LDAH: variants seen among roughly 807,000 people sequenced by gnomAD.
LDAH encodes lipid droplet associated hydrolase, also known as lipid droplet-associated hydrolase.
A neutral mutation model predicts 29.6 loss-of-function variants in LDAH; 26 were observed. That is an observed-to-expected ratio of 0.88 (90% confidence interval 0.64 to 1.22). LDAH has a LOEUF of 1.22. LDAH is among the 50% of genes most tolerant of loss of function. The pLI, the probability that LDAH is intolerant of heterozygous loss-of-function variation, is 0.00. For missense variants in LDAH, 344 were observed against 387.3 expected, an observed-to-expected ratio of 0.89 and a Z score of 0.94; for synonymous variants, 117 against 133.0, an observed-to-expected ratio of 0.88 and a Z score of 0.83.
chr2:20,688,412 A>G (rs1662723933), intron 6 of LDAH, among the ~76,000 whole-genome samples: 1 of 152,210 alleles, frequency 6.6e-6, no homozygotes, highest in Admixed American at 6.5e-5. Flanking sequence ...AGCATCTTCT[A>G]TGCATGCCAA....
chr2:20,710,414 T>A (rs1664629565), intron 5 of LDAH, among the ~76,000 whole-genome samples: 3 of 151,824 alleles, frequency 2.0e-5, no homozygotes, highest in Non-Finnish European at 4.4e-5. Flanking sequence ...GTCTTACATA[T>A]ATTAAAGAAA....
At chr2:20,809,703 C>A (rs1005124739) in intron 1 of LDAH, among the ~76,000 whole-genome samples, 4 of 152,096 alleles carry the variant, frequency 2.6e-5, no homozygotes, top group African/African-American at 4.8e-5. Flanking sequence ...TTTGAACAGG[C>A]ACTTCACAAA....
chr2:20,801,326 A>G lies in LDAH; in HGVS notation c.138T>C (p.Leu46=). 1 of 1,613,510 alleles carries G rather than the reference A, an allele frequency of 6.2e-7. No individual in the cohort carries two copies. Among genetic ancestry groups the G allele is most frequent in the Non-Finnish European group, 8.5e-7 (1 of 1,179,820 alleles). Residue 46 remains leucine (L), a synonymous_variant, in exon 2 of 7, where the codon CTT becomes CTC. Transcript: ENST00000237822. The stretch of plus-strand genomic sequence containing the variant: ...TACGCTCACCAGGAATAATGAAAAT[A>G]AGCAGCTTAGGCCTTTTGACACTTT... The part of the protein sequence containing the change: ...HDQSVKRPKL[L]IFIIPGNPGF...
chr2:20,698,455 C>T lies in LDAH; in HGVS notation c.786+3115G>A, dbSNP rs187692505. 3.3e-5 allele frequency among the ~76,000 whole-genome samples: 5 copies of T among 152,164 alleles called. No homozygotes were observed. Among genetic ancestry groups the T allele is most frequent in the East Asian group, 3.9e-4 (2 of 5,176 alleles). On this transcript the variant is annotated intron_variant, in intron 6 of 6. Coordinates refer to ENST00000237822, the MANE Select transcript of LDAH (RefSeq NM_021925.4). This position sits in a 1 kb window ranked among gnomAD's most constrained non-coding sequence, Gnocchi z 4.4. ...CTGTAATCCCAGCACCTTGGGAGGCCGAGGCCGGTAAATCACAAGGTCAGG... is the reference window on the plus strand; with the variant it reads ...CTGTAATCCCAGCACCTTGGGAGGCTGAGGCCGGTAAATCACAAGGTCAGG...
chr2:20,739,047 C>T (rs964158426), intron 5 of LDAH, among the ~76,000 whole-genome samples: 1 of 152,244 alleles, frequency 6.6e-6, no homozygotes, highest in South Asian at 2.1e-4. Context: ...GGTTTCAACA[C>T]TACATACTAG....
At chr2:20,731,148 G>A (rs1365997000) in intron 5 of LDAH, among the ~76,000 whole-genome samples, 1 of 152,188 alleles carries the variant, frequency 6.6e-6, no homozygotes, top group Non-Finnish European at 1.5e-5. Flanking sequence ...ATTGACATCT[G>A]ATATGGTTTG....
chr2:20,770,760 A>C (rs1319784657), intron 4 of LDAH, among the ~76,000 whole-genome samples: 8 of 152,158 alleles, frequency 5.3e-5, no homozygotes, highest in Admixed American at 4.6e-4. Context: ...GCTATCATCC[A>C]CAGGTTGAAG....
rs571026828 is a variant in LDAH, at chr2:20,694,026, T to G, written c.787-6932A>C. Reference sequence around the variant, plus strand: ...GTTTTCTTTCCTTCTTTGAAATAATTTGCACTAGAGCAGGTTTTTTGCTTG... The same window carrying G: ...GTTTTCTTTCCTTCTTTGAAATAATGTGCACTAGAGCAGGTTTTTTGCTTG... On this transcript the variant is annotated intron_variant, in intron 6 of 6. Coordinates refer to ENST00000237822, the MANE Select transcript of LDAH (RefSeq NM_021925.4). 1.4e-4 allele frequency among the ~76,000 whole-genome samples: 21 copies of G among 152,372 alleles called. No homozygotes were observed. The South Asian group carries it at 4.1e-3, about 30-fold the overall frequency.
chr2:20,748,569 C>T (rs1417047545), intron 4 of LDAH, among the ~76,000 whole-genome samples: 2 of 152,174 alleles, frequency 1.3e-5, no homozygotes, highest in African/African-American at 4.8e-5. Context: ...TCACTGACAG[C>T]TCATTCAGAA....
intron 4 of LDAH, among the ~76,000 whole-genome samples, chr2:20,762,861 T>C (rs922244517): frequency 5.3e-5 from 8 of 152,204 alleles, no homozygotes; most frequent in Non-Finnish European, 7.4e-5. Flanking sequence ...TCAAAACTTG[T>C]TACAATGCCA....
intron 5 of LDAH, among the ~76,000 whole-genome samples, chr2:20,736,833 G>T (rs1353628907): frequency 6.6e-6 from 1 of 152,034 alleles, no homozygotes; most frequent in Non-Finnish European, 1.5e-5. Flanking sequence ...CTTTGTTTTA[G>T]TTCAAGATGG....
chr2:20,729,998 T>G (rs1289850660), intron 5 of LDAH, among the ~76,000 whole-genome samples: 2 of 152,202 alleles, frequency 1.3e-5, no homozygotes, highest in Non-Finnish European at 1.5e-5. Context: ...TGGCAACCAC[T>G]AATCTGTTCT....
chr2:20,776,820 C>A (rs1226417360), intron 3 of LDAH, among the ~76,000 whole-genome samples: 4 of 152,016 alleles, frequency 2.6e-5, no homozygotes, highest in Admixed American at 2.6e-4. Context: ...TATTTGCATC[C>A]CAAGTTCTTT....
rs574662551 is a variant in LDAH at position 20,685,690 on chromosome 2, T to C, written c.*1213A>G. ...AAAAAGGAATATTTCTGATCCATGA[T>C]CAACTGTCACTGCAGTATGTGGTTC... On this transcript the variant is annotated 3_prime_UTR_variant, in exon 7 of 7. Coordinates refer to ENST00000237822, the MANE Select transcript of LDAH (RefSeq NM_021925.4). 2.6e-6 allele frequency: 4 copies of C among 1,543,292 alleles called. No individual in the cohort carries two copies. In the African/African-American group the frequency reaches 4.1e-5, roughly 16 times the overall value.
chr2:20,733,688 G>T (rs1428810683), intron 5 of LDAH, among the ~76,000 whole-genome samples: 2 of 151,928 alleles, frequency 1.3e-5, no homozygotes, highest in Admixed American at 1.3e-4. Context: ...ACATGCATGA[G>T]CCACAGTGCC....
intron 2 of LDAH, among the ~76,000 whole-genome samples, chr2:20,799,831 A>G (rs1671546839): frequency 6.6e-6 from 1 of 152,350 alleles, no homozygotes; most frequent in Admixed American, 6.5e-5. Flanking sequence ...AAGAAGCTAA[A>G]GAATATTCTG....
intron 1 of LDAH, among the ~76,000 whole-genome samples, chr2:20,811,271 G>T (rs1672474640): frequency 6.6e-6 from 1 of 151,890 alleles, no homozygotes; most frequent in Non-Finnish European, 1.5e-5. Flanking sequence ...GCCCATCTCG[G>T]CCTCCCAAAG....
intron 5 of LDAH, among the ~76,000 whole-genome samples, chr2:20,714,436 T>C (rs886205761): frequency 6.6e-6 from 1 of 152,050 alleles, no homozygotes; most frequent in Non-Finnish European, 1.5e-5. Flanking sequence ...GCAGGAAAGA[T>C]CTAAAATCAA....
chr2:20,746,489 A>G (rs2124871204), intron 4 of LDAH, among the ~76,000 whole-genome samples: 1 of 152,308 alleles, frequency 6.6e-6, no homozygotes, highest in East Asian at 1.9e-4. Context: ...TAAAAATATA[A>G]GAAGACCAAA....
Sources: gnomAD v4.1 joint callset for allele counts (sites outside exome capture counted in the v4.1 genomes callset) on GRCh38, gnomAD v4.1.1 for gene constraint, Gnocchi (gnomAD v3.1) non-coding constraint, MANE v1.5 for transcripts, NCBI Gene and HGNC (gene_info 2026-07-23, HGNC 2026-07-21) for gene names.